Variants in SUPT3H observed in about 807,000 individuals in gnomAD.
The protein encoded by SUPT3H is SPT3 homolog, SAGA and STAGA complex component, also known as transcription initiation protein SPT3 homolog.
A neutral mutation model predicts 44.3 loss-of-function variants in SUPT3H; 44 were observed. The observed-to-expected ratio is 0.99, with a 90% CI of 0.78 to 1.28. The LOEUF is 1.28. SUPT3H is among the 50% of genes most tolerant of loss of function. SUPT3H has a pLI of 0.00. For missense variants in SUPT3H, 380 were observed against 387.1 expected (o/e 0.98, Z 0.15); for synonymous variants, 124 against 125.6 (o/e 0.99, Z 0.09).
At chr6:44,954,394 G>T in intron 8 of SUPT3H, 101 bp downstream of exon 8, 1 of 876,554 alleles carries the variant, frequency 1.1e-6, no homozygotes, top group Non-Finnish European at 1.9e-6. Context: ...ATTCATGGCT[G>T]TTATTACTGG....
chr6:44,928,882 C>CAAAATAAATAAAAAAAAA (rs1491206167), intron 10 of SUPT3H, among the ~76,000 whole-genome samples: 2 of 20,646 alleles, frequency 9.7e-5, no homozygotes, highest in African/African-American at 6.3e-4. Flanking sequence ...GACTCCGTCT[C>CAAAATAAATAAAAAAAAA]AAAAAAAAAA....
At chr6:45,015,402 T>C (rs1449469779) in intron 4 of SUPT3H, among the ~76,000 whole-genome samples, 2 of 152,138 alleles carry the variant, frequency 1.3e-5, no homozygotes, top group Admixed American at 6.6e-5. Flanking sequence ...GTAGAGGGCA[T>C]ATACCATGAA....
At chr6:45,206,817 G>A (rs1165515644) in intron 2 of SUPT3H, among the ~76,000 whole-genome samples, 1 of 152,040 alleles carries the variant, frequency 6.6e-6, no homozygotes, top group Non-Finnish European at 1.5e-5. Flanking sequence ...TGAGATGAGG[G>A]GGAGATGGCA....
At chr6:45,125,899 C>A (rs569302871) in intron 2 of SUPT3H, among the ~76,000 whole-genome samples, 62 of 151,664 alleles carry the variant, frequency 4.1e-4, no homozygotes, top group Admixed American at 4.0e-3. Context: ...TTACTCTTTA[C>A]ACTAAAAGTT....
At chr6:44,908,303 C>T (rs958147233) in intron 10 of SUPT3H, among the ~76,000 whole-genome samples, 1 of 151,906 alleles carries the variant, frequency 6.6e-6, no homozygotes, top group African/African-American at 2.4e-5. Flanking sequence ...AGGCGCCCAC[C>T]ACCATGCCCA....
chr6:44,887,344 C>T (rs1750598210), intron 10 of SUPT3H, among the ~76,000 whole-genome samples: 2 of 152,168 alleles, frequency 1.3e-5, no homozygotes, highest in Admixed American at 1.3e-4. Flanking sequence ...CACACCTACT[C>T]CAAAATTGAC....
chr6:45,228,159 C>A lies in SUPT3H; in HGVS notation c.102-122153G>T, dbSNP rs150583712. Reference sequence around the variant, plus strand: ...GTCTGCTTTTATTATTTTCTGCTTACCTTTTACAATGTTCAATTTTATGTG... The same window carrying A: ...GTCTGCTTTTATTATTTTCTGCTTAACTTTTACAATGTTCAATTTTATGTG... On this transcript the variant is annotated intron_variant, in intron 2 of 10. Coordinates refer to ENST00000371459, the MANE Select transcript of SUPT3H (RefSeq NM_003599.4). Among the ~76,000 whole-genome samples the A allele has an allele frequency of 3.5e-3, 538 of 152,266 alleles. 9 individuals carry two copies. Among genetic ancestry groups the A allele is most frequent in the Admixed American group, 0.033 (504 of 15,288 alleles).
intron 3 of SUPT3H, among the ~76,000 whole-genome samples, chr6:45,022,368 G>C (rs1785264767): frequency 6.7e-6 from 1 of 148,826 alleles, no homozygotes; most frequent in South Asian, 2.1e-4. Context: ...GGATAAGTAT[G>C]ATAATAGAAA....
intron 4 of SUPT3H, among the ~76,000 whole-genome samples, chr6:45,018,596 T>C (rs1758691031): frequency 6.6e-6 from 1 of 152,064 alleles, no homozygotes; most frequent in Admixed American, 6.6e-5. Flanking sequence ...CTGCATCTAT[T>C]GAGATAATCA....
chr6:45,060,510 T>C (rs948827983), intron 3 of SUPT3H, among the ~76,000 whole-genome samples: 5 of 151,596 alleles, frequency 3.3e-5, no homozygotes, highest in Non-Finnish European at 7.4e-5. Flanking sequence ...ATCTAAGCAA[T>C]AGCATTCTGG....
intron 10 of SUPT3H, among the ~76,000 whole-genome samples, chr6:44,903,162 G>C (rs923446968): frequency 5.3e-5 from 8 of 151,972 alleles, no homozygotes; most frequent in Admixed American, 2.0e-4. Context: ...CTAGCAAAAG[G>C]CAAGAAATAA....
intron 7 of SUPT3H, among the ~76,000 whole-genome samples, chr6:44,956,178 T>A (rs1582739736): frequency 7.1e-6 from 1 of 140,170 alleles, no homozygotes; most frequent in East Asian, 2.2e-4. Context: ...ACCTACTAAA[T>A]AAATACGTTT....
chr6:44,996,740 TAGA>T (rs1781328538), intron 6 of SUPT3H, among the ~76,000 whole-genome samples: 1 of 151,870 alleles, frequency 6.6e-6, no homozygotes, highest in Non-Finnish European at 1.5e-5. Context: ...AACAAAAGCC[TAGA>T]AAGTCCTTCC....
chr6:45,320,247 C>T (rs969998584), intron 2 of SUPT3H, among the ~76,000 whole-genome samples: 1 of 151,876 alleles, frequency 6.6e-6, no homozygotes, highest in African/African-American at 2.4e-5. Flanking sequence ...GTGGACAAAC[C>T]ACTATGGCAG....
chr6:44,866,689 C>A (rs1165122222), intron 10 of SUPT3H, among the ~76,000 whole-genome samples: 1 of 152,160 alleles, frequency 6.6e-6, no homozygotes, highest in Non-Finnish European at 1.5e-5. Flanking sequence ...CAGTTAAAGA[C>A]CTGAAATCAT....
intron 6 of SUPT3H, among the ~76,000 whole-genome samples, chr6:45,001,035 G>A (rs1342657720): frequency 6.6e-6 from 1 of 152,000 alleles, no homozygotes; most frequent in East Asian, 1.9e-4. Context: ...CTCTTCTGTG[G>A]GTGACCACAG....
intron 2 of SUPT3H, among the ~76,000 whole-genome samples, chr6:45,174,491 C>A (rs1403134986): frequency 6.6e-6 from 1 of 151,996 alleles, no homozygotes; most frequent in Admixed American, 6.6e-5. Context: ...GACCATGCGG[C>A]AGGTTAAGAA....
intron 3 of SUPT3H, among the ~76,000 whole-genome samples, chr6:45,105,414 T>A (rs1002693614): frequency 7.9e-5 from 12 of 152,162 alleles, no homozygotes; most frequent in African/African-American, 1.9e-4. Context: ...AAATTTTTTT[T>A]AAATTTTTTA....
At chr6:45,362,602 C>T (rs745919410) in intron 2 of SUPT3H, among the ~76,000 whole-genome samples, 1 of 152,050 alleles carries the variant, frequency 6.6e-6, no homozygotes, top group Non-Finnish European at 1.5e-5. Flanking sequence ...GCCCTATTTC[C>T]CTGTTCTATA....
Sources: gnomAD v4.1 joint callset for allele counts (sites outside exome capture counted in the v4.1 genomes callset) on GRCh38, gnomAD v4.1.1 for gene constraint, MANE v1.5 for transcripts, NCBI Gene and HGNC (gene_info 2026-07-23, HGNC 2026-07-21) for gene names.